ZNF43: variants seen among roughly 807,000 people sequenced by gnomAD.
ZNF43 encodes the protein zinc finger protein 39-like 1 (KOX 27).
Under a neutral mutation model 68.4 loss-of-function variants are expected in ZNF43, and 44 were observed. The ratio of observed to expected loss-of-function variants is 0.64; its 90% CI spans 0.51 to 0.83. The LOEUF (loss-of-function observed/expected upper bound fraction) is 0.83, where lower values mean the gene tolerates loss of function less well. ZNF43 is among the 40% of genes least tolerant of loss of function. ZNF43 has a pLI of 0.00. For missense variants in ZNF43, 896 were observed against 933.2 expected (o/e 0.96, Z 0.52); for synonymous variants, 308 against 307.8 (o/e 1.00, Z -0.01).
At chr19:21,828,989 C>T (rs1456739374) in intron 1 of ZNF43, among the ~76,000 whole-genome samples, 2 of 125,348 alleles carry the variant, frequency 1.6e-5, no homozygotes, top group East Asian at 2.5e-4. Flanking sequence ...GCCAAAATGG[C>T]GCCACTGCAC....
Position 21,809,082 on chromosome 19 carries a change from A to T in ZNF43, c.955T>A (p.Cys319Ser), listed in dbSNP as rs755739864. The change falls in exon 4 of 4, where the codon TGT (cysteine) becomes AGT (serine). Residue 319 changes from cysteine (C) to serine (S), a missense_variant. Coordinates refer to ENST00000354959, the MANE Select transcript of ZNF43 (RefSeq NM_003423.4). ...PGEKPYKCEE[C>S]GKAFNWPSTL... ...GAGGGCCAGTTAAAGGCTTTGCCAC[A>T]TTCTTCACATTTGTAAGGTTTCTCT... is the stretch of plus-strand genomic sequence containing the variant. The T allele has an allele frequency of 1.8e-5, 29 of 1,613,558 alleles. No homozygotes were observed. Among genetic ancestry groups the T allele is most frequent in the Admixed American group, 6.7e-5 (4 of 60,004 alleles).
At chr19:21,821,280 G>C (rs988643542) in intron 1 of ZNF43, among the ~76,000 whole-genome samples, 21 of 151,878 alleles carry the variant, frequency 1.4e-4, no homozygotes, top group Non-Finnish European at 2.4e-4. Flanking sequence ...AGAGTAGCTG[G>C]GACTACAGGA....
At chr19:21,846,792 C>A (rs1048655985) in intron 1 of ZNF43, among the ~76,000 whole-genome samples, 1 of 152,152 alleles carries the variant, frequency 6.6e-6, no homozygotes, top group African/African-American at 2.4e-5. Context: ...GTGACTGGTG[C>A]AAAGACATTT....
chr19:21,829,228 G>A lies in ZNF43; in HGVS notation c.3+6808C>T, dbSNP rs1021820178. On this transcript the variant is annotated intron_variant, in intron 1 of 3. Coordinates refer to ENST00000354959, the MANE Select transcript of ZNF43 (RefSeq NM_003423.4). ...GACAGAGTGAGACTCCATCACAAAG[G>A]AAAAAAAAACAAAAAACACCACACA... 7.2e-4 allele frequency among the ~76,000 whole-genome samples: 104 copies of A among 143,926 alleles called. No homozygotes were observed. In the Middle Eastern group the frequency reaches 0.011, roughly 15 times the overall value. The allele number at this position is 143,926 out of a possible 152,430, so 94.4% of individuals were successfully genotyped here.
intron 1 of ZNF43, among the ~76,000 whole-genome samples, 199 bp downstream of exon 1, chr19:21,835,837 G>A (rs1056892155): frequency 1.3e-5 from 2 of 152,178 alleles, no homozygotes; most frequent in Admixed American, 1.3e-4. Flanking sequence ...GCTGCAGGCC[G>A]GGACACAGTC....
In ZNF43 at chr19:21,808,743, C is replaced by T. The variant is rs771586126; in HGVS notation, c.1294G>A (p.Gly432Ser). Residue 432 changes from glycine (G) to serine (S), a missense_variant, in exon 4 of 4, where the codon GGC becomes AGC. Gly to Ser is a moderately conservative substitution (Grantham distance 56, BLOSUM62 0). Coordinates refer to ENST00000354959, the MANE Select transcript of ZNF43 (RefSeq NM_003423.4). ...GTTGAGGGCCAGTTAAAGGCTTTGC[C>T]ACATTCTTCACATTTGTAGGGTTTC... ...GEKPYKCEEC[G>S]KAFNWPSTLT... The T allele has an allele frequency of 4.3e-6, 7 of 1,611,986 alleles. No individual in the cohort carries two copies. The highest frequency in any genetic ancestry group is 5.1e-6 in the Non-Finnish European group (6 of 1,179,732).
rs976247727 is a variant in ZNF43 at position 21,825,126 on chromosome 19, C to A, written c.4-5905G>T. 4.5e-4 allele frequency among the ~76,000 whole-genome samples: 69 copies of A among 152,116 alleles called. 1 individual carries two copies. The highest frequency in any genetic ancestry group is 1.6e-3 in the African/African-American group (67 of 41,498). On this transcript the variant is annotated intron_variant, in intron 1 of 3. Transcript: ENST00000354959. ...GCATATGCTTGTAATCCCAGCTACT[C>A]GGGAGGCTAAGGCAGGAGAACTGCT...
At position 21,805,464 on chromosome 19, in the gene ZNF43, C is replaced by CA. The variant is rs1011320433; in HGVS notation, c.*2142dup. 31 of 143,422 alleles carry CA rather than the reference C, an allele frequency of 2.2e-4. No individual in the cohort carries two copies. Among genetic ancestry groups the CA allele is most frequent in the East Asian group, 1.2e-3 (6 of 4,894 alleles). 8.9% of individuals were successfully genotyped at this position (143,422 alleles called of 1,614,324 possible). ...GGGTGACAGAGCGAGACTCCATCTC[C>CA]AAAAAAAAACCCAAACAAGTAGTGG... On this transcript the variant is annotated 3_prime_UTR_variant, in exon 4 of 4. Transcript: ENST00000354959.
At chr19:21,829,811 A>G (rs1057342413) in intron 1 of ZNF43, among the ~76,000 whole-genome samples, 1 of 152,214 alleles carries the variant, frequency 6.6e-6, no homozygotes, top group African/African-American at 2.4e-5. Context: ...CATTGGATTC[A>G]TTGAGCTCCG....
chr19:21,832,868 G>GA (rs112486130), intron 1 of ZNF43, among the ~76,000 whole-genome samples: 3,487 of 147,074 alleles, frequency 0.024, 142 homozygotes, highest in African/African-American at 0.078. Context: ...CATGTCAATT[G>GA]AAAAAAAAAA....
intron 1 of ZNF43, among the ~76,000 whole-genome samples, chr19:21,844,866 C>T (rs915510021): frequency 5.4e-4 from 70 of 130,652 alleles, no homozygotes; most frequent in African/African-American, 2.1e-3. Context: ...CACTGCACTC[C>T]AGCCTGGGCG....
At chr19:21,832,902 T>C (rs906198871) in intron 1 of ZNF43, among the ~76,000 whole-genome samples, 3 of 152,062 alleles carry the variant, frequency 2.0e-5, no homozygotes, top group African/African-American at 7.2e-5. Flanking sequence ...CAATTAGTCA[T>C]ATGAAAACAC....
chr19:21,842,968 T>C (rs1318192076), intron 1 of ZNF43, among the ~76,000 whole-genome samples: 2 of 150,580 alleles, frequency 1.3e-5, no homozygotes, highest in African/African-American at 4.9e-5. Context: ...CAACGTCTCC[T>C]AGGGAAAAGC....
At chr19:21,836,192 G>C, upstream of ZNF43, 1 of 1,519,412 alleles carries the variant, frequency 6.6e-7, no homozygotes, top group Non-Finnish European at 8.8e-7. Context: ...CAAAGGCCCC[G>C]CCACATCCCG....
chr19:21,843,761 A>G (rs1967705339), intron 1 of ZNF43, among the ~76,000 whole-genome samples: 1 of 152,090 alleles, frequency 6.6e-6, no homozygotes, highest in Non-Finnish European at 1.5e-5. Context: ...CGGCCTGGGC[A>G]ACAAGAGCGA....
chr19:21,830,414 A>T lies in ZNF43; in HGVS notation c.3+5622T>A, dbSNP rs562555315. 7.2e-5 allele frequency among the ~76,000 whole-genome samples: 11 copies of T among 152,200 alleles called. No homozygotes were observed. The South Asian group carries it at 2.3e-3, about 31-fold the overall frequency. On this transcript the variant is annotated intron_variant, in intron 1 of 3. Transcript: ENST00000354959. ...GAAAGAGAAGATCCAAATAAACACGATTAGAAATGACAAAATGGCCATTAA... is the reference window on the plus strand; with the variant it reads ...GAAAGAGAAGATCCAAATAAACACGTTTAGAAATGACAAAATGGCCATTAA...
intron 1 of ZNF43, among the ~76,000 whole-genome samples, chr19:21,847,029 G>A (rs528453022): frequency 1.3e-5 from 2 of 152,318 alleles, no homozygotes; most frequent in South Asian, 4.1e-4. Context: ...CAATGTTCCT[G>A]TAAGCAGGGA....
chr19:21,845,974 T>C (rs1285213138), intron 1 of ZNF43, among the ~76,000 whole-genome samples: 2 of 151,352 alleles, frequency 1.3e-5, no homozygotes, highest in African/African-American at 4.9e-5. Flanking sequence ...TACATCTAAA[T>C]CTTTTTTTGT....
chr19:21,832,113 A>G (rs866196176), intron 1 of ZNF43, among the ~76,000 whole-genome samples: 33 of 152,330 alleles, frequency 2.2e-4, no homozygotes, highest in African/African-American at 7.2e-4. Context: ...TGGAAGCAGT[A>G]CATTACCTGA....
Sources: allele counts gnomAD v4.1 joint callset (sites outside exome capture counted in the v4.1 genomes callset), GRCh38; gene constraint gnomAD v4.1.1; transcripts MANE v1.5; gene names NCBI Gene and HGNC (gene_info 2026-07-23, HGNC 2026-07-21).